EBF1: variants seen among roughly 807,000 people sequenced by gnomAD.
EBF1 encodes the protein EBF transcription factor 1.
A neutral mutation model predicts 68.4 loss-of-function variants in EBF1; 10 were observed. The ratio of observed to expected loss-of-function variants is 0.15; its 90% CI spans 0.09 to 0.25. The LOEUF (loss-of-function observed/expected upper bound fraction) is 0.25. EBF1 is among the 10% of genes least tolerant of loss of function. EBF1 has a pLI of 1.00. For missense variants in EBF1, 509 were observed against 794.4 expected (o/e 0.64, Z 4.32); for synonymous variants, 298 against 299.8 (o/e 0.99, Z 0.06).
intron 6 of EBF1, among the ~76,000 whole-genome samples, chr5:158,959,421 AGCT>A (rs1255622556): frequency 6.6e-6 from 1 of 151,534 alleles, no homozygotes. Context: ...CCTCCTGAGT[AGCT>A]GGGATTACAG....
At chr5:159,078,602 A>C (rs1056883167) in intron 5 of EBF1, among the ~76,000 whole-genome samples, 10 of 152,080 alleles carry the variant, frequency 6.6e-5, no homozygotes, top group African/African-American at 2.4e-4. Context: ...CAAGGCTTGG[A>C]GTTTCCTAAT....
intron 6 of EBF1, among the ~76,000 whole-genome samples, chr5:158,935,585 A>C (rs1039443008): frequency 6.6e-6 from 1 of 152,188 alleles, no homozygotes; most frequent in African/African-American, 2.4e-5. Flanking sequence ...CATCTCCCAA[A>C]AAAGGCATTT....
At chr5:158,967,400 C>T (rs992860402) in intron 6 of EBF1, among the ~76,000 whole-genome samples, 4 of 152,160 alleles carry the variant, frequency 2.6e-5, no homozygotes, top group East Asian at 1.9e-4. Flanking sequence ...ACACAAAAGA[C>T]GTCTTTATTA....
At chr5:158,925,388 T>G (rs1412170550) in intron 6 of EBF1, among the ~76,000 whole-genome samples, 1 of 152,230 alleles carries the variant, frequency 6.6e-6, no homozygotes, top group East Asian at 1.9e-4. Context: ...AAATATTTGT[T>G]AAGTAAATGA....
At chr5:158,978,791 CACACAT>C (rs751532015) in intron 6 of EBF1, among the ~76,000 whole-genome samples, 22 of 100,542 alleles carry the variant, frequency 2.2e-4, no homozygotes, top group African/African-American at 5.7e-4. Context: ...CACACACACA[CACACAT>C]ACACACACAC....
chr5:158,803,974 G>GTT (rs1311864339), intron 8 of EBF1, among the ~76,000 whole-genome samples: 1 of 147,048 alleles, frequency 6.8e-6, no homozygotes, highest in Non-Finnish European at 1.5e-5. Context: ...GTGTGTGTGT[G>GTT]TGTGTGTGAT....
rs577714189 is a variant in EBF1 at position 158,941,899 on chromosome 5, C to T, written c.555-101789G>A. Among the ~76,000 whole-genome samples, 10 of 152,150 alleles carry T rather than the reference C, an allele frequency of 6.6e-5. No homozygotes were observed. In the South Asian group the frequency reaches 1.0e-3, roughly 16 times the overall value. Reference sequence around the variant, plus strand: ...CTAATGCTCTGAAGGTGAAGTGATTCGTCGGATGGGAAGGATCAGTAAACA... The same window carrying T: ...CTAATGCTCTGAAGGTGAAGTGATTTGTCGGATGGGAAGGATCAGTAAACA... On this transcript the variant is annotated intron_variant, in intron 6 of 15. Coordinates refer to ENST00000313708, the MANE Select transcript of EBF1 (RefSeq NM_024007.5).
At chr5:159,055,407 A>G (rs1023605438) in intron 6 of EBF1, among the ~76,000 whole-genome samples, 2 of 152,216 alleles carry the variant, frequency 1.3e-5, no homozygotes, top group African/African-American at 4.8e-5. Flanking sequence ...TCTAAATAAC[A>G]GCAGGGGCAG....
intron 6 of EBF1, among the ~76,000 whole-genome samples, chr5:158,858,127 G>A (rs1323337358): frequency 6.6e-6 from 1 of 152,172 alleles, no homozygotes; most frequent in Non-Finnish European, 1.5e-5. Context: ...CCGTGACGGT[G>A]TCATGCTTTT....
At chr5:159,043,780 G>A (rs1176888529) in intron 6 of EBF1, among the ~76,000 whole-genome samples, 2 of 152,162 alleles carry the variant, frequency 1.3e-5, no homozygotes. Flanking sequence ...TACGTCATGA[G>A]GGCTTGCAGA....
intron 6 of EBF1, among the ~76,000 whole-genome samples, chr5:159,022,421 G>A (rs559005288): frequency 1.3e-5 from 2 of 152,168 alleles, no homozygotes; most frequent in East Asian, 1.9e-4. Flanking sequence ...TAAAGTGCGC[G>A]GGCAGGCTTC....
At chr5:158,703,008 G>A (rs773660605) in intron 15 of EBF1, among the ~76,000 whole-genome samples, 6 of 152,066 alleles carry the variant, frequency 3.9e-5, no homozygotes, top group Admixed American at 6.5e-5. Context: ...TTTTTCATGC[G>A]TAGACTGTCC....
intron 8 of EBF1, among the ~76,000 whole-genome samples, chr5:158,806,017 A>T (rs1781518216): frequency 6.6e-6 from 1 of 152,126 alleles, no homozygotes; most frequent in South Asian, 2.1e-4. Flanking sequence ...ATTTGAGCTT[A>T]AACTGGAGTG....
At chr5:158,980,970 T>C (rs1757779733) in intron 6 of EBF1, among the ~76,000 whole-genome samples, 1 of 152,172 alleles carries the variant, frequency 6.6e-6, no homozygotes, top group African/African-American at 2.4e-5. Context: ...TAAAACATGA[T>C]GAATATTTAA....
At chr5:158,781,075 A>G (rs1203037692) in intron 9 of EBF1, among the ~76,000 whole-genome samples, 3 of 152,184 alleles carry the variant, frequency 2.0e-5, no homozygotes, top group African/African-American at 7.2e-5. Context: ...GACAATAATC[A>G]TAAGACGTAA....
intron 15 of EBF1, among the ~76,000 whole-genome samples, chr5:158,700,032 T>C (rs1295097287): frequency 6.6e-6 from 1 of 152,110 alleles, no homozygotes; most frequent in Non-Finnish European, 1.5e-5. Flanking sequence ...ACACTTAGGG[T>C]TATTGGAGAG....
chr5:158,764,719 TCTAA>T (rs1165579204), intron 10 of EBF1, among the ~76,000 whole-genome samples: 1 of 152,152 alleles, frequency 6.6e-6, no homozygotes, highest in Non-Finnish European at 1.5e-5. Flanking sequence ...AAGCCCCCAG[TCTAA>T]CTAGTGAATT....
At chr5:158,905,584 A>G (rs749542285) in intron 6 of EBF1, among the ~76,000 whole-genome samples, 3 of 152,190 alleles carry the variant, frequency 2.0e-5, no homozygotes, top group East Asian at 1.9e-4. Context: ...CCATAAATGC[A>G]TATTACCTTT....
chr5:158,817,336 G>A (rs908803871), intron 8 of EBF1, among the ~76,000 whole-genome samples: 1 of 152,108 alleles, frequency 6.6e-6, no homozygotes, highest in African/African-American at 2.4e-5. Flanking sequence ...TGTAATTGCA[G>A]TTTCAACAGT....
Sources: allele counts gnomAD v4.1 joint callset (sites outside exome capture counted in the v4.1 genomes callset), GRCh38; gene constraint gnomAD v4.1.1; transcripts MANE v1.5; gene names NCBI Gene and HGNC (gene_info 2026-07-23, HGNC 2026-07-21).